DAB2IP: variants seen among roughly 807,000 people sequenced by gnomAD.
The protein encoded by DAB2IP is DAB2 interacting protein.
In DAB2IP, 28 loss-of-function variants were observed where a neutral mutation model predicts 107.2. That is an observed-to-expected ratio of 0.26 (90% CI 0.19 to 0.36). DAB2IP has a LOEUF of 0.36. Among genes scored for constraint, DAB2IP ranks in the 10% least tolerant of loss-of-function variants. The pLI is 1.00. For synonymous variants in DAB2IP, 755 were observed against 706.4 expected (o/e 1.07, Z -1.09); for missense variants, 1,400 against 1,644.7 (o/e 0.85, Z 2.57).
intron 3 of DAB2IP, among the ~76,000 whole-genome samples, chr9:121,714,939 T>G (rs1166460356): frequency 6.6e-6 from 1 of 152,210 alleles, no homozygotes; most frequent in Admixed American, 6.5e-5. Context: ...GGGACTTGTA[T>G]GGCCTTAACC....
chr9:121,752,748 CG>C (rs1333636246), intron 3 of DAB2IP: 1 of 152,208 alleles, frequency 6.6e-6, no homozygotes, highest in Non-Finnish European at 1.5e-5. Context: ...CATTGAATCC[CG>C]TGTGGTCTCA....
At chr9:121,738,348 CTCAG>C in intron 3 of DAB2IP, among the ~76,000 whole-genome samples, 1 of 152,336 alleles carries the variant, frequency 6.6e-6, no homozygotes. Context: ...CTCTCTCTCT[CTCAG>C]TTAGTATTGC....
At chr9:121,711,920 A>G (rs950533172) in intron 3 of DAB2IP, among the ~76,000 whole-genome samples, 2 of 152,144 alleles carry the variant, frequency 1.3e-5, no homozygotes, top group Admixed American at 6.5e-5. Flanking sequence ...GGGCCTCCCC[A>G]TCCCCCTCTA....
At chr9:121,590,072 A>C (rs911873009) in intron 1 of DAB2IP, among the ~76,000 whole-genome samples, 1 of 151,564 alleles carries the variant, frequency 6.6e-6, no homozygotes, top group Non-Finnish European at 1.5e-5. Context: ...CCCTCAGAAC[A>C]GGTCTTCCCT....
chr9:121,763,597 C>T lies in DAB2IP; in HGVS notation c.1263C>T (p.Ala421=), dbSNP rs771813126. Reference sequence around the variant, plus strand: ...GGGAGAACACACTGGCCACCAAGGCCATTGAGGAGTACCTCAAGCTAGTGG... The same window carrying T: ...GGGAGAACACACTGGCCACCAAGGCTATTGAGGAGTACCTCAAGCTAGTGG... Residue 421 remains alanine (A), a synonymous_variant, in exon 7 of 16, where the codon GCC becomes GCT. Transcript: ENST00000408936. 6 of 1,613,878 alleles carry T rather than the reference C, an allele frequency of 3.7e-6. No homozygotes were observed. In the South Asian group the frequency reaches 5.5e-5, roughly 15 times the overall value.
intron 3 of DAB2IP, among the ~76,000 whole-genome samples, chr9:121,740,176 T>G (rs1389660734): frequency 6.6e-6 from 1 of 152,084 alleles, no homozygotes; most frequent in Non-Finnish European, 1.5e-5. Context: ...GCCTGAATGT[T>G]CTCTGTCCAC....
intron 3 of DAB2IP, among the ~76,000 whole-genome samples, chr9:121,755,644 A>G (rs1311710164): frequency 6.6e-6 from 1 of 151,934 alleles, no homozygotes; most frequent in East Asian, 1.9e-4. Flanking sequence ...GTTGCCATGG[A>G]GATGTGGAGC....
At chr9:121,625,395 TAC>T (rs1831608713) in intron 1 of DAB2IP, among the ~76,000 whole-genome samples, 1 of 151,994 alleles carries the variant, frequency 6.6e-6, no homozygotes, top group African/African-American at 2.4e-5. Context: ...CGCACCATCA[TAC>T]CTGGTGAACT....
At position 121,698,738 on chromosome 9, in the gene DAB2IP, G is replaced by A. The variant is rs1439358334; in HGVS notation, c.229-587G>A. Among the ~76,000 whole-genome samples the A allele has an allele frequency of 1.3e-5, 2 of 152,356 alleles. No homozygotes were observed. The highest frequency in any genetic ancestry group is 3.9e-4 in the East Asian group (2 of 5,178). On this transcript the variant is annotated intron_variant, in intron 2 of 15. Transcript: ENST00000408936. The surrounding 1 kb of genome is among the most constrained non-coding windows in gnomAD (Gnocchi z 4.1). ...CCAGGGCACTGCCAGGCGCAGGCCA[G>A]CCGGCGCCTCAGCCGACCACGCGCC...
chr9:121,627,042 A>G (rs1831672978), intron 1 of DAB2IP, among the ~76,000 whole-genome samples: 1 of 152,022 alleles, frequency 6.6e-6, no homozygotes, highest in Non-Finnish European at 1.5e-5. Flanking sequence ...TAAAAATGGC[A>G]TGTCATGATT....
At chr9:121,766,026 AACCCAAGGAATAGTGGTCT>A (rs1834253173) in intron 8 of DAB2IP, among the ~76,000 whole-genome samples, 1 of 152,226 alleles carries the variant, frequency 6.6e-6, no homozygotes, top group Admixed American at 6.5e-5. Flanking sequence ...CAGTGATGGG[AACCCAAGGAATAGTGGTCT>A]ATTCCTGTTT....
rs367690998 is a variant in DAB2IP at position 121,773,148 on chromosome 9, A to G, written c.2620A>G (p.Ser874Gly). Residue 874 changes from serine (S) to glycine (G), a missense_variant, in exon 12 of 16, where the codon AGT (serine) becomes GGT (glycine). Transcript: ENST00000408936. ...GTTGGCGGCTGCTGCCAAGCTGGGA[A>G]GTTTCAGCACTGCCGCGGAGGAGCT... The G allele has an allele frequency of 1.9e-6, 3 of 1,610,130 alleles. No individual in the cohort carries two copies. Among genetic ancestry groups the G allele is most frequent in the East Asian group, 2.2e-5 (1 of 44,758 alleles).
upstream of DAB2IP, among the ~76,000 whole-genome samples, chr9:121,650,341 G>A (rs1227090371): frequency 1.3e-5 from 2 of 152,308 alleles, no homozygotes; most frequent in African/African-American, 2.4e-5. Context: ...AGGCTCCGCA[G>A]GACTAGGGAC....
intron 1 of DAB2IP, among the ~76,000 whole-genome samples, chr9:121,606,499 G>C (rs1830875962): frequency 6.6e-6 from 1 of 152,176 alleles, no homozygotes; most frequent in Non-Finnish European, 1.5e-5. Context: ...AAGGCTCTGA[G>C]AAACACAGCT....
rs897548022 is a variant in DAB2IP, at chr9:121,662,066, C to T, written c.124+10167C>T. On this transcript the variant is annotated intron_variant, in intron 1 of 15. Coordinates refer to ENST00000408936, the Ensembl canonical transcript of DAB2IP. The surrounding 1 kb of genome is among the most constrained non-coding windows in gnomAD (Gnocchi z 4.6). ...CAGAACAGAAGAAAATAAAAATCAC[C>T]TTTAATCCAGCACCCACCAATAAGC... Among the ~76,000 whole-genome samples, 1 of 152,140 alleles carries T rather than the reference C, an allele frequency of 6.6e-6. No individual in the cohort carries two copies. Among genetic ancestry groups the T allele is most frequent in the East Asian group, 1.9e-4 (1 of 5,200 alleles).
In DAB2IP at chr9:121,641,935, T is replaced by TTCTTTCTTTCTTTCTTTCTG. The variant is rs1554718106; in HGVS notation, c.41-36740_41-36739insTTCTTTCTTTCTTTCTGTCT. 7.3e-4 allele frequency among the ~76,000 whole-genome samples: 83 copies of TTCTTTCTTTCTTTCTTTCTG among 113,634 alleles called. 1 individual carries two copies. Among genetic ancestry groups the TTCTTTCTTTCTTTCTTTCTG allele is most frequent in the Middle Eastern group, 3.6e-3 (1 of 278 alleles). 74.5% of individuals were successfully genotyped at this position (113,634 alleles called of 152,430 possible). ...TTTCTTTCTTTCTTTCTTTCTTTCT[T>TTCTTTCTTTCTTTCTTTCTG]TCTCTCTTTCTTTCCTTTCTTTCTT... On this transcript the variant is annotated intron_variant, in intron 1 of 16. Coordinates refer to the DAB2IP transcript ENST00000259371.
At chr9:121,774,841 G>A (rs986738239) in intron 13 of DAB2IP, among the ~76,000 whole-genome samples, 59 of 152,216 alleles carry the variant, frequency 3.9e-4, no homozygotes, top group African/African-American at 1.4e-3. Flanking sequence ...GGCTGGGAGA[G>A]CCACCCCAGC....
chr9:121,575,430 A>G (rs1830034616), intron 1 of DAB2IP: 1 of 152,112 alleles, frequency 6.6e-6, no homozygotes, highest in African/African-American at 2.4e-5. Context: ...AGAGTCAAAG[A>G]TCTTTAAGTC....
chr9:121,685,851 G>GA (rs1828851865), intron 2 of DAB2IP, among the ~76,000 whole-genome samples: 1 of 152,370 alleles, frequency 6.6e-6, no homozygotes, highest in African/African-American at 2.4e-5. Flanking sequence ...CAGGACATGG[G>GA]AAACAGCATG....
Sources: allele counts gnomAD v4.1 joint callset (sites outside exome capture counted in the v4.1 genomes callset), GRCh38; gene constraint gnomAD v4.1.1; non-coding constraint Gnocchi (gnomAD v3.1); transcripts MANE v1.5; gene names NCBI Gene and HGNC (gene_info 2026-07-23, HGNC 2026-07-21).